Variants in GMPR2 observed in about 807,000 individuals in gnomAD.
GMPR2 encodes the protein guanosine monophosphate reductase 2, also known as GMP reductase 2.
In GMPR2, 32 loss-of-function variants were observed where a neutral mutation model predicts 38.5. That is an observed-to-expected ratio of 0.83 (90% CI 0.63 to 1.12). GMPR2 has a LOEUF of 1.12. Among genes scored for constraint, GMPR2 ranks in the 50% most tolerant of loss-of-function variants. The pLI is 0.00. For synonymous variants in GMPR2, 154 were observed against 151.0 expected (o/e 1.02, Z -0.15); for missense variants, 396 against 432.1 (o/e 0.92, Z 0.74).
chr14:24,234,153 T>A, intron 3 of GMPR2: 1 of 1,289,254 alleles, frequency 7.8e-7, no homozygotes, highest in Non-Finnish European at 1.0e-6. Flanking sequence ...ATGGGATGTG[T>A]TTTTCTTATA....
rs1023086474 is a variant in GMPR2 at position 24,235,523 on chromosome 14, G to C, written c.208-214G>C. On this transcript the variant is annotated intron_variant, in intron 3 of 9. Coordinates refer to ENST00000399440, the MANE Select transcript of GMPR2 (RefSeq NM_001002002.3). The stretch of plus-strand genomic sequence containing the variant: ...CCCAGATCACTCAGTACTTTGGTGG[G>C]AAATCTGACAAGTACTAGCTTATGG... 3 of 568,306 alleles carry C rather than the reference G, an allele frequency of 5.3e-6. No individual in the cohort carries two copies. The African/African-American group carries it at 5.7e-5, about 11-fold the overall frequency. 35.2% of individuals were successfully genotyped at this position (568,306 alleles called of 1,614,324 possible).
In GMPR2 at chr14:24,235,793, T is replaced by G. The variant is rs1566680331; in HGVS notation, c.264T>G (p.Phe88Leu). 6.2e-7 allele frequency: 1 copy of G among 1,613,678 alleles called. No individual in the cohort carries two copies. The highest frequency in any genetic ancestry group is 8.5e-7 in the Non-Finnish European group (1 of 1,179,518). The change falls in exon 4 of 10, where the codon TTT (phenylalanine) becomes TTG (leucine). Residue 88 changes from phenylalanine (F) to leucine (L), a missense_variant. Phe to Leu is a conservative substitution (Grantham distance 22, BLOSUM62 0). Coordinates refer to ENST00000399440, the MANE Select transcript of GMPR2 (RefSeq NM_001002002.3). ...ATAGCCTCGTTCAGTGGCAAGAGTT[T>G]GCTGGCCAGAATCCTGACTGTCTTG... Reference protein sequence around the residue: ...KHYSLVQWQEFAGQNPDCLEH... With the variant: ...KHYSLVQWQELAGQNPDCLEH...
Position 24,233,562 on chromosome 14 carries a change from T to C in GMPR2, c.171T>C (p.Thr57=). The stretch of plus-strand genomic sequence containing the variant: ...CCATCATTGCTGCCAATATGGATAC[T>C]GTGGGCACCTTTGAGATGGCCAAGG... The part of the protein sequence containing the change: ...GVPIIAANMD[T]VGTFEMAKVL... The change falls in exon 3 of 10, where the codon ACT becomes ACC. Residue 57 remains threonine (T), a synonymous_variant. Coordinates refer to ENST00000399440, the MANE Select transcript of GMPR2 (RefSeq NM_001002002.3). 6.2e-7 allele frequency: 1 copy of C among 1,614,136 alleles called. No individual in the cohort carries two copies. Among genetic ancestry groups the C allele is most frequent in the Non-Finnish European group, 8.5e-7 (1 of 1,179,976 alleles).
intron 5 of GMPR2, among the ~76,000 whole-genome samples, chr14:24,236,482 T>C (rs995196579): frequency 9.9e-5 from 15 of 152,216 alleles, no homozygotes; most frequent in African/African-American, 3.6e-4. Context: ...AATAATGATT[T>C]ATCTTTTTAC....
At chr14:24,235,659 G>T in intron 3 of GMPR2, 78 bp from the exon 4 acceptor site, 1 of 967,078 alleles carries the variant, frequency 1.0e-6, no homozygotes. Flanking sequence ...TCCTCCCTCA[G>T]ATAGAATAGG....
intron 4 of GMPR2, 57 bp from the exon 5 acceptor site, chr14:24,235,908 ACC>A: frequency 6.3e-7 from 1 of 1,588,224 alleles, no homozygotes; most frequent in Non-Finnish European, 8.6e-7. Flanking sequence ...CTCACCAATG[ACC>A]CACTGGCTGC....
At position 24,232,958 on chromosome 14, in the gene GMPR2, G is replaced by T; in HGVS notation, c.-55G>T. Reference sequence around the variant, plus strand: ...TGCCCCATTGCTCTTTGCAGGGGTAGAAGAAGGAAGTGTAGCGGGGTAAGG... The same window carrying T: ...TGCCCCATTGCTCTTTGCAGGGGTATAAGAAGGAAGTGTAGCGGGGTAAGG... On this transcript the variant is annotated 5_prime_UTR_variant, in exon 1 of 10. Transcript: ENST00000399440. 1.8e-6 allele frequency: 1 copy of T among 543,938 alleles called. No homozygotes were observed. Among genetic ancestry groups the T allele is most frequent in the Non-Finnish European group, 3.3e-6 (1 of 302,202 alleles). The allele number at this position is 543,938 out of a possible 1,614,324, so 33.7% of individuals were successfully genotyped here.
intron 3 of GMPR2, 43 bp from the exon 4 acceptor site, chr14:24,235,694 A>AT (rs2040305000): frequency 7.6e-7 from 1 of 1,318,330 alleles, no homozygotes; most frequent in African/African-American, 1.4e-5. Context: ...AGAGACCTTA[A>AT]TAAAGTTTTC....
At position 24,233,474 on chromosome 14, in the gene GMPR2, T is replaced by G. The variant is rs758667407; in HGVS notation, c.88-5T>G. The G allele has an allele frequency of 1.2e-6, 2 of 1,613,564 alleles. No homozygotes were observed. Among genetic ancestry groups the G allele is most frequent in the Non-Finnish European group, 8.5e-7 (1 of 1,179,626 alleles). On this transcript the variant is annotated splice_polypyrimidine_tract_variant and splice_region_variant and intron_variant, in intron 2 of 9. Coordinates refer to ENST00000399440, the MANE Select transcript of GMPR2 (RefSeq NM_001002002.3). ...AAATGGTCAATTTCCTGTTCATATC[T>G]GCAGGTGGATCTCACAAGATCCTTT... is the stretch of plus-strand genomic sequence containing the variant.
At chr14:24,237,599 C>T (rs1262121547) in intron 8 of GMPR2, 37 bp downstream of exon 8, 1 of 1,570,214 alleles carries the variant, frequency 6.4e-7, no homozygotes. Context: ...TGATTCTATA[C>T]AAGAGGATGA....
Position 24,236,135 on chromosome 14 carries a change from A to G in GMPR2, c.460A>G (p.Ile154Val), listed in dbSNP as rs769910310. 18 of 1,612,820 alleles carry G rather than the reference A, an allele frequency of 1.1e-5. No homozygotes were observed. The highest frequency in any genetic ancestry group is 1.3e-5 in the African/African-American group (1 of 74,860). Residue 154 changes from isoleucine (I) to valine (V), a missense_variant, in exon 5 of 10, where the codon ATC (isoleucine) becomes GTC (valine). Ile to Val is a conservative substitution (Grantham distance 29, BLOSUM62 3). Coordinates refer to ENST00000399440, the MANE Select transcript of GMPR2 (RefSeq NM_001002002.3). ...ACGGAAGCGCTTCCCCCAGCACACC[A>G]TCATGGTATGTTTCTATTACAGTCG... ...DVRKRFPQHTIMAGNVVTGEM... is the reference protein window; with the variant it reads ...DVRKRFPQHTVMAGNVVTGEM...
At chr14:24,237,372 A>C in intron 7 of GMPR2, 21 bp downstream of exon 7, 1 of 1,525,076 alleles carries the variant, frequency 6.6e-7, no homozygotes. Flanking sequence ...AGGGCAGGGT[A>C]GGGTATGAGC....
chr14:24,238,524 G>A, intron 9 of GMPR2, 65 bp from the exon 10 acceptor site: 11 of 1,614,026 alleles, frequency 6.8e-6, no homozygotes, highest in Non-Finnish European at 9.3e-6. Flanking sequence ...GCTAGGGTCT[G>A]TGGAAAAGTC....
At position 24,238,771 on chromosome 14, in the gene GMPR2, C is replaced by T. The variant is rs781312813; in HGVS notation, c.1040C>T (p.Ala347Val). The change falls in exon 10 of 10, where the codon GCG becomes GTG. Residue 347 changes from alanine (A) to valine (V), a missense_variant. Physicochemically the swap from Ala to Val is moderately conservative, Grantham distance 64. Transcript: ENST00000399440. ...TQQVNPIFSE[A>V]C The stretch of plus-strand genomic sequence containing the variant: ...CAGGTGAATCCAATCTTCAGTGAGG[C>T]GTGCTAGACCTGAGCAGTTCTACCC... 1.2e-5 allele frequency: 20 copies of T among 1,611,794 alleles called. No homozygotes were observed. The highest frequency in any genetic ancestry group is 1.0e-4 in the Admixed American group (6 of 59,972).
At position 24,238,817 on chromosome 14, in the gene GMPR2, A is replaced by C; in HGVS notation, c.*39A>C. ...TACCCTCCCAAGGCACCAGTACTCT[A>C]CCATGGGGCATCCCAAGTGGGGTCC... On this transcript the variant is annotated 3_prime_UTR_variant, in exon 10 of 10. Transcript: ENST00000399440. The C allele has an allele frequency of 6.4e-7, 1 of 1,570,762 alleles. No individual in the cohort carries two copies. Among genetic ancestry groups the C allele is most frequent in the East Asian group, 2.2e-5 (1 of 44,686 alleles).
In GMPR2 at chr14:24,233,250, C is replaced by T; in HGVS notation, c.-4C>T. 6.2e-7 allele frequency: 1 copy of T among 1,614,026 alleles called. No individual in the cohort carries two copies. The highest frequency in any genetic ancestry group is 8.5e-7 in the Non-Finnish European group (1 of 1,179,960). On this transcript the variant is annotated 5_prime_UTR_variant, in exon 2 of 10. Coordinates refer to ENST00000399440, the MANE Select transcript of GMPR2 (RefSeq NM_001002002.3). ...GATTCATCGCTACCCCGAGGCTAAG[C>T]GCCATGCCTCATATTGACAACGATG... is the stretch of plus-strand genomic sequence containing the variant.
In GMPR2 at chr14:24,233,399, A is replaced by G. The variant is rs1002797157; in HGVS notation, c.87+59A>G. The G allele has an allele frequency of 2.5e-6, 4 of 1,609,790 alleles. No individual in the cohort carries two copies. The African/African-American group carries it at 5.4e-5, about 22-fold the overall frequency. On this transcript the variant is annotated intron_variant, in intron 2 of 9. Coordinates refer to ENST00000399440, the MANE Select transcript of GMPR2 (RefSeq NM_001002002.3). ...CCCACGCTCCCGGTGGGCCACAACC[A>G]AGAAAGATGCCTGTCCTTGTCCTAA...
rs778755611 is a variant in GMPR2 at position 24,238,582 on chromosome 14, C to T, written c.858-7C>T. ...GGAGAAGATAATAAAGTTTTTCCTA[C>T]TTTAAGAGCCTCAGAGGGAAAGACA... On this transcript the variant is annotated splice_region_variant and splice_polypyrimidine_tract_variant and intron_variant, in intron 9 of 9. Transcript: ENST00000399440. 21 of 1,613,912 alleles carry T rather than the reference C, an allele frequency of 1.3e-5. No homozygotes were observed. The highest frequency in any genetic ancestry group is 1.8e-5 in the Non-Finnish European group (21 of 1,179,964).
At chr14:24,237,706 C>A in intron 8 of GMPR2, 144 bp downstream of exon 8, 2 of 751,298 alleles carry the variant, frequency 2.7e-6, no homozygotes, top group South Asian at 1.7e-5. Flanking sequence ...TCTATGGTAT[C>A]ATCTGGGGCA....
Sources: allele counts gnomAD v4.1 joint callset (sites outside exome capture counted in the v4.1 genomes callset), GRCh38; gene constraint gnomAD v4.1.1; transcripts MANE v1.5; gene names NCBI Gene and HGNC (gene_info 2026-07-23, HGNC 2026-07-21).